Variants in SCFD2 observed in about 807,000 individuals in gnomAD.
The protein encoded by SCFD2 is sec1 family domain-containing protein 2.
A neutral mutation model predicts 58.9 loss-of-function variants in SCFD2; 54 were observed. The observed-to-expected ratio is 0.92, with a 90% CI of 0.74 to 1.15. The LOEUF is 1.15. SCFD2 is among the 50% of genes most tolerant of loss of function. The pLI is 0.00. For synonymous variants in SCFD2, 321 were observed against 335.9 expected (o/e 0.96, Z 0.49); for missense variants, 805 against 836.6 (o/e 0.96, Z 0.47).
chr4:53,273,588 CA>C (rs1731238403), intron 4 of SCFD2: 2 of 379,182 alleles, frequency 5.3e-6, no homozygotes, highest in East Asian at 9.4e-5. Context: ...GTCCAATGCT[CA>C]AAAAACATCC....
At chr4:53,060,929 G>T (rs1340333887) in intron 5 of SCFD2, among the ~76,000 whole-genome samples, 2 of 152,078 alleles carry the variant, frequency 1.3e-5, no homozygotes, top group African/African-American at 4.8e-5. Context: ...GCTTTACTGG[G>T]TCGTAACACC....
chr4:53,004,962 G>T (rs572676192), intron 5 of SCFD2, among the ~76,000 whole-genome samples: 144 of 152,286 alleles, frequency 9.5e-4, no homozygotes, highest in African/African-American at 3.3e-3. Flanking sequence ...CCAGTGGCGT[G>T]ATCTTGGCTC....
At chr4:53,324,319 GA>G (rs1733113190) in intron 2 of SCFD2, among the ~76,000 whole-genome samples, 1 of 145,382 alleles carries the variant, frequency 6.9e-6, no homozygotes, top group Non-Finnish European at 1.5e-5. Context: ...TTAAAAGGCT[GA>G]AACAAGAGGA....
intron 5 of SCFD2, among the ~76,000 whole-genome samples, chr4:53,119,021 T>TA (rs1445237209): frequency 6.6e-5 from 10 of 152,128 alleles, no homozygotes; most frequent in Non-Finnish European, 1.5e-4. Flanking sequence ...ATCTTGCTAC[T>TA]AAAATCAAGT....
chr4:52,931,810 C>T (rs953280409), intron 5 of SCFD2, among the ~76,000 whole-genome samples: 1 of 152,222 alleles, frequency 6.6e-6, no homozygotes, highest in African/African-American at 2.4e-5. Flanking sequence ...AGGCTGATCC[C>T]TCCTGCCCTC....
chr4:53,357,675 C>G (rs1403183399), intron 1 of SCFD2, among the ~76,000 whole-genome samples: 3 of 151,944 alleles, frequency 2.0e-5, no homozygotes, highest in Admixed American at 6.6e-5. Flanking sequence ...ATCTTCTGAA[C>G]CCTGAAATAA....
At chr4:53,240,788 C>T (rs1266964887) in intron 4 of SCFD2, among the ~76,000 whole-genome samples, 1 of 152,226 alleles carries the variant, frequency 6.6e-6, no homozygotes, top group Non-Finnish European at 1.5e-5. Flanking sequence ...TGCCACAGGG[C>T]AGTGGTCGAT....
At chr4:52,998,861 T>C (rs1721802440) in intron 5 of SCFD2, among the ~76,000 whole-genome samples, 1 of 152,214 alleles carries the variant, frequency 6.6e-6, no homozygotes, top group South Asian at 2.1e-4. Flanking sequence ...CTGTTTAGAC[T>C]AAAACACATT....
intron 4 of SCFD2, among the ~76,000 whole-genome samples, chr4:53,179,023 A>G (rs897645028): frequency 2.6e-5 from 4 of 152,226 alleles, no homozygotes; most frequent in Non-Finnish European, 5.9e-5. Flanking sequence ...TCTACATCTG[A>G]TTGGTGTACC....
intron 5 of SCFD2, among the ~76,000 whole-genome samples, chr4:52,974,530 A>C (rs1721199213): frequency 6.6e-6 from 1 of 152,230 alleles, no homozygotes; most frequent in South Asian, 2.1e-4. Flanking sequence ...GGATACAAAC[A>C]AATGGAAGAA....
chr4:53,329,579 C>T (rs1277650737), intron 2 of SCFD2, among the ~76,000 whole-genome samples: 8 of 151,486 alleles, frequency 5.3e-5, no homozygotes, highest in Non-Finnish European at 1.2e-4. Context: ...GACATCCACA[C>T]CAAAAACCCA....
At chr4:53,338,666 C>T (rs1248346620) in intron 2 of SCFD2, among the ~76,000 whole-genome samples, 22 of 123,984 alleles carry the variant, frequency 1.8e-4, no homozygotes, top group Admixed American at 4.4e-4. Flanking sequence ...CTGCAAGCTC[C>T]GCCTCCCGGG....
chr4:52,883,820 T>G (rs1286649857), intron 8 of SCFD2, among the ~76,000 whole-genome samples: 1 of 152,106 alleles, frequency 6.6e-6, no homozygotes, highest in African/African-American at 2.4e-5. Context: ...ATTTACAAAT[T>G]TATCAGAAAT....
At chr4:52,984,146 A>G (rs1273793731) in intron 5 of SCFD2, among the ~76,000 whole-genome samples, 2 of 152,208 alleles carry the variant, frequency 1.3e-5, no homozygotes, top group Non-Finnish European at 2.9e-5. Flanking sequence ...CCAGGTTCCC[A>G]AACAGGAAGC....
intron 4 of SCFD2, among the ~76,000 whole-genome samples, chr4:53,195,513 C>T (rs1728033276): frequency 6.6e-6 from 1 of 152,130 alleles, no homozygotes; most frequent in Admixed American, 6.6e-5. Context: ...CACATTCCTA[C>T]GGATCCTGGT....
intron 4 of SCFD2, among the ~76,000 whole-genome samples, chr4:53,167,638 T>A (rs1028294679): frequency 6.6e-6 from 1 of 152,172 alleles, no homozygotes; most frequent in African/African-American, 2.4e-5. Context: ...TCAAAACACT[T>A]GATTTAGGTT....
chr4:53,350,251 T>G (rs1461798126), intron 2 of SCFD2, among the ~76,000 whole-genome samples: 1 of 152,188 alleles, frequency 6.6e-6, no homozygotes, highest in Non-Finnish European at 1.5e-5. Context: ...CTAGTCAGTA[T>G]AAACAGCTCC....
intron 8 of SCFD2, among the ~76,000 whole-genome samples, chr4:52,876,073 A>C (rs2411280): frequency 0.036 from 5,447 of 151,812 alleles, 347 homozygotes; most frequent in African/African-American, 0.12. Flanking sequence ...CCTAGTAGGT[A>C]ATTGAGCCTG....
At chr4:52,990,561 C>T (rs904617754) in intron 5 of SCFD2, among the ~76,000 whole-genome samples, 2 of 152,078 alleles carry the variant, frequency 1.3e-5, no homozygotes, top group African/African-American at 2.4e-5. Flanking sequence ...AAGAAAATGA[C>T]GTGCAGATGG....
Sources: gnomAD v4.1 joint callset for allele counts (sites outside exome capture counted in the v4.1 genomes callset) on GRCh38, gnomAD v4.1.1 for gene constraint, MANE v1.5 for transcripts, NCBI Gene and HGNC (gene_info 2026-07-23, HGNC 2026-07-21) for gene names.